The following ZDHHC11B variants were observed in gnomAD, a reference collection of about 807,000 sequenced individuals.
ZDHHC11B encodes the protein probable palmitoyltransferase ZDHHC11B.
A neutral mutation model predicts 42.3 loss-of-function variants in ZDHHC11B; 17 were observed. That is an observed-to-expected ratio of 0.40 (90% CI 0.27 to 0.60). The LOEUF (loss-of-function observed/expected upper bound fraction) is 0.60, where lower values mean the gene tolerates loss of function less well. Among genes scored for constraint, ZDHHC11B ranks in the 20% least tolerant of loss-of-function variants. The pLI is 0.41. For missense variants in ZDHHC11B, 262 were observed against 463.2 expected, an observed-to-expected ratio of 0.57 and a Z score of 3.99; for synonymous variants, 123 against 193.5, an observed-to-expected ratio of 0.64 and a Z score of 3.02.
In ZDHHC11B at chr5:732,910, G is replaced by T. The variant is rs1312251138; in HGVS notation, c.1023+842C>A. ...AGAAATAAAAAACAAAAAATAAATT[G>T]GCTGGGTGTGGTGGCACACACCTGT... is the stretch of plus-strand genomic sequence containing the variant. On this transcript the variant is annotated intron_variant, in intron 11 of 13. Transcript: ENST00000508859. Among the ~76,000 whole-genome samples, 3 of 151,816 alleles carry T rather than the reference G, an allele frequency of 2.0e-5. 1 individual carries two copies. The highest frequency in any genetic ancestry group is 7.3e-5 in the African/African-American group (3 of 41,174).
At chr5:763,742 G>C (rs1475136203) in intron 4 of ZDHHC11B, among the ~76,000 whole-genome samples, 1 of 151,896 alleles carries the variant, frequency 6.6e-6, no homozygotes, top group African/African-American at 2.4e-5. Flanking sequence ...AGGATGTTAA[G>C]AAATGGCTAT....
intron 1 of ZDHHC11B, among the ~76,000 whole-genome samples, chr5:773,517 C>T (rs570664650): frequency 2.0e-5 from 3 of 151,806 alleles, no homozygotes; most frequent in South Asian, 2.1e-4. Context: ...GCCCACCATC[C>T]CACATGTGCC....
chr5:764,477 C>A (rs1286671790), intron 4 of ZDHHC11B, among the ~76,000 whole-genome samples: 1 of 151,940 alleles, frequency 6.6e-6, no homozygotes, highest in South Asian at 2.1e-4. Context: ...GCACTGCCGG[C>A]CCCGGGCAGT....
At chr5:744,366 G>C (rs72491318) in intron 9 of ZDHHC11B, among the ~76,000 whole-genome samples, 8,914 of 146,584 alleles carry the variant, frequency 0.061, 295 homozygotes, top group African/African-American at 0.17. Context: ...GAAAGAGTCT[G>C]TGTGTAGGTT....
intron 12 of ZDHHC11B, among the ~76,000 whole-genome samples, chr5:729,724 C>T (rs1263359959): frequency 1.3e-5 from 2 of 151,394 alleles, no homozygotes; most frequent in African/African-American, 4.9e-5. Flanking sequence ...TTGTATAAAG[C>T]TGCTTTTCAA....
chr5:748,758 C>T (rs1428872280), intron 7 of ZDHHC11B, among the ~76,000 whole-genome samples, 199 bp from the exon 8 acceptor site: 1 of 129,862 alleles, frequency 7.7e-6, no homozygotes, highest in Non-Finnish European at 1.7e-5. Context: ...TTTCATGATC[C>T]CTGCTTTATG....
intron 12 of ZDHHC11B, among the ~76,000 whole-genome samples, chr5:718,700 A>G (rs1251833606): frequency 6.6e-6 from 1 of 150,962 alleles, no homozygotes; most frequent in African/African-American, 2.4e-5. Context: ...TGTCTCAAAA[A>G]AAAAAAAAAA....
intron 6 of ZDHHC11B, among the ~76,000 whole-genome samples, chr5:753,722 G>A (rs1477937329): frequency 1.3e-5 from 2 of 148,450 alleles, no homozygotes; most frequent in African/African-American, 2.5e-5. Context: ...TGGACTCGCT[G>A]TGCGGTCATG....
At chr5:762,418 T>C (rs1171550016) in intron 4 of ZDHHC11B, among the ~76,000 whole-genome samples, 1 of 151,866 alleles carries the variant, frequency 6.6e-6, no homozygotes, top group African/African-American at 2.4e-5. Context: ...AAGCACATCC[T>C]TGGACCCCTG....
chr5:757,574 T>G (rs1435785402), intron 4 of ZDHHC11B, among the ~76,000 whole-genome samples: 3 of 151,876 alleles, frequency 2.0e-5, no homozygotes, highest in African/African-American at 7.3e-5. Context: ...GTAAGAAGCG[T>G]GCTGCAATGC....
In ZDHHC11B at chr5:751,226, C is replaced by T. The variant is rs772821182; in HGVS notation, c.535G>A (p.Ala179Thr). The T allele has an allele frequency of 2.8e-5, 35 of 1,261,722 alleles. 5 individuals are homozygous for T. The highest frequency in any genetic ancestry group is 2.0e-5 in the Non-Finnish European group (19 of 947,582). The allele number at this position is 1,261,722 out of a possible 1,614,324, so 78.2% of individuals were successfully genotyped here. A position where few individuals can be genotyped will look rare whatever the true frequency, so the allele number is the denominator to read the frequency against. ...ATGGCGATCAGGCAGAGCATGCCAG[C>T]TGTGGCCGAGGCCACAGTGCTGAAG... Reference protein sequence around the residue: ...FFFSTVASATAGMLCLIAILL... With the variant: ...FFFSTVASATTGMLCLIAILL... The change falls in exon 7 of 14, where the codon GCT becomes ACT. Residue 179 changes from alanine (A) to threonine (T), a missense_variant. By Grantham distance (58) the Ala-to-Thr change is moderately conservative. Transcript: ENST00000508859.
At chr5:775,296 C>G (rs1211931271) in intron 1 of ZDHHC11B, among the ~76,000 whole-genome samples, 1 of 151,928 alleles carries the variant, frequency 6.6e-6, no homozygotes, top group African/African-American at 2.4e-5. Context: ...CGCTCCCAGG[C>G]AGGTGCCCAT....
At chr5:754,540 T>C (rs1340559347) in intron 6 of ZDHHC11B, among the ~76,000 whole-genome samples, 1 of 125,562 alleles carries the variant, frequency 8.0e-6, no homozygotes, top group African/African-American at 2.7e-5. Flanking sequence ...ACCTCTCGTC[T>C]ATGAGCCTCC....
chr5:716,971 T>C (rs1262303374), intron 12 of ZDHHC11B, 106 bp from the exon 13 acceptor site: 2 of 1,538,872 alleles, frequency 1.3e-6, no homozygotes, highest in African/African-American at 1.4e-5. Flanking sequence ...TTTTAGAGAT[T>C]AGCTTGTGAC....
intron 6 of ZDHHC11B, 69 bp from the exon 7 acceptor site, chr5:751,326 T>A: frequency 3.7e-5 from 1 of 27,352 alleles, no homozygotes; most frequent in African/African-American, 7.7e-5. Context: ...GGGGCAGGTG[T>A]GGGGGGCACG....
chr5:779,010 G>A (rs772147962), intron 1 of ZDHHC11B, among the ~76,000 whole-genome samples: 3,813 of 122,788 alleles, frequency 0.031, 2 homozygotes, highest in Admixed American at 0.04. Context: ...GGCCCTTGTC[G>A]GACGCCAAGC....
intron 1 of ZDHHC11B, among the ~76,000 whole-genome samples, chr5:774,743 A>T (rs1166825352): frequency 1.9e-5 from 1 of 53,152 alleles, no homozygotes; most frequent in African/African-American, 6.6e-5. Flanking sequence ...GGAGCCTATT[A>T]CTAGGACCTG....
chr5:778,858 C>T (rs1398246775), intron 1 of ZDHHC11B, among the ~76,000 whole-genome samples: 14 of 151,884 alleles, frequency 9.2e-5, no homozygotes, highest in African/African-American at 3.1e-4. Flanking sequence ...GGAACCTAAT[C>T]CCCATTGTGG....
chr5:759,435 G>A (rs1184372666), intron 4 of ZDHHC11B, among the ~76,000 whole-genome samples: 16 of 151,898 alleles, frequency 1.1e-4, no homozygotes, highest in Admixed American at 6.6e-5. Flanking sequence ...AAGGCGCCGC[G>A]CCACTCCATG....
Sources: allele counts gnomAD v4.1 joint callset (sites outside exome capture counted in the v4.1 genomes callset), GRCh38; gene constraint gnomAD v4.1.1; transcripts MANE v1.5; gene names NCBI Gene and HGNC (gene_info 2026-07-23, HGNC 2026-07-21).